Variants in CUX1 observed in about 807,000 individuals in gnomAD.
CUX1 encodes protein CASP.
Under a neutral mutation model 158.8 loss-of-function variants are expected in CUX1, and 31 were observed. That is an observed-to-expected ratio of 0.20 (90% CI 0.15 to 0.26). The LOEUF is 0.26. Among genes scored for constraint, CUX1 ranks in the 10% least tolerant of loss-of-function variants. The pLI, the probability that CUX1 is intolerant of heterozygous loss-of-function variation, is 1.00. For missense variants in CUX1, 1,589 were observed against 2,014.6 expected (o/e 0.79, Z 4.04); for synonymous variants, 879 against 862.1 (o/e 1.02, Z -0.34).
intron 3 of CUX1, among the ~76,000 whole-genome samples, chr7:102,060,149 G>A (rs1824628031): frequency 6.6e-6 from 1 of 152,024 alleles, no homozygotes; most frequent in Non-Finnish European, 1.5e-5. Context: ...GTGGTAGTGG[G>A]CGCCTGTAGT....
intron 1 of CUX1, among the ~76,000 whole-genome samples, chr7:101,849,912 ATTTTTTT>A (rs71106570): frequency 5.6e-4 from 69 of 124,304 alleles, no homozygotes; most frequent in Middle Eastern, 4.3e-3. Flanking sequence ...GTCTCATGCA[ATTTTTTT>A]TTTTTTTTTT....
At position 102,115,230 on chromosome 7, in the gene CUX1, T is replaced by C; in HGVS notation, c.631T>C (p.Leu211=). The C allele has an allele frequency of 1.2e-6, 2 of 1,609,458 alleles. No homozygotes were observed. The highest frequency in any genetic ancestry group is 1.7e-6 in the Non-Finnish European group (2 of 1,179,034). The change falls in exon 8 of 24, where the codon TTA becomes CTA. Residue 211 remains leucine (L), a synonymous_variant. Coordinates refer to ENST00000292535, the MANE Select transcript of CUX1 (RefSeq NM_181552.4). Reference sequence around the variant, plus strand: ...AGCCCTGGAAAAAACTCGAACAGAATTATTTGACCTGAAAACCAAATACGA... The same window carrying C: ...AGCCCTGGAAAAAACTCGAACAGAACTATTTGACCTGAAAACCAAATACGA... ...QTALEKTRTE[L]FDLKTKYDEE...
At chr7:102,035,072 TAA>T (rs55710671) in intron 3 of CUX1, among the ~76,000 whole-genome samples, 50,727 of 139,600 alleles carry the variant, frequency 0.36, 8,997 homozygotes, top group East Asian at 0.62. Flanking sequence ...CCAGTGGTGG[TAA>T]AAAAAAAAAA....
At position 101,916,132 on chromosome 7, in the gene CUX1, C is replaced by T. The variant is rs376836450; in HGVS notation, c.48C>T (p.Thr16=). The T allele has an allele frequency of 9.3e-6, 15 of 1,613,274 alleles. No homozygotes were observed. The highest frequency in any genetic ancestry group is 8.3e-5 in the Admixed American group (5 of 59,982). The change falls in exon 2 of 24, where the codon ACC becomes ACT. Residue 16 remains threonine (T), a synonymous_variant. Coordinates refer to ENST00000292535, the MANE Select transcript of CUX1 (RefSeq NM_181552.4). The surrounding 1 kb of genome is among the most constrained non-coding windows in gnomAD (Gnocchi z 4.4). ...CCCAACAGAGAGAACTCGATGCCAC[C>T]GCAACGGTATTGGCGAACCGGCAGG... The part of the protein sequence containing the change: ...GARLKRELDA[T]ATVLANRQDE...
chr7:102,138,012 C>T (rs1214160104), intron 8 of CUX1, among the ~76,000 whole-genome samples: 1 of 152,070 alleles, frequency 6.6e-6, no homozygotes, highest in Non-Finnish European at 1.5e-5. Context: ...GTAGTGAGAT[C>T]GTCTCACTAA....
At chr7:101,834,589 A>AT (rs561539030) in intron 1 of CUX1, among the ~76,000 whole-genome samples, 40 of 152,132 alleles carry the variant, frequency 2.6e-4, no homozygotes, top group African/African-American at 9.2e-4. Context: ...TTGAAAAGAA[A>AT]TTTTTTTTCT....
At chr7:102,067,050 A>G (rs1825623460) in intron 3 of CUX1, among the ~76,000 whole-genome samples, 1 of 152,040 alleles carries the variant, frequency 6.6e-6, no homozygotes, top group African/African-American at 2.4e-5. Flanking sequence ...GATATTCACA[A>G]AGTTGCACAG....
intron 17 of CUX1, among the ~76,000 whole-genome samples, chr7:102,276,289 A>C (rs1554547732): frequency 6.6e-6 from 1 of 152,012 alleles, no homozygotes; most frequent in Non-Finnish European, 1.5e-5. Context: ...ACTTTTTTGT[A>C]CTGCTCAAGT....
At chr7:102,112,946 A>G (rs1327447172) in intron 7 of CUX1, among the ~76,000 whole-genome samples, 4 of 152,182 alleles carry the variant, frequency 2.6e-5, no homozygotes, top group Non-Finnish European at 4.4e-5. Flanking sequence ...GTAGACAGAC[A>G]TCAGAAGTCA....
At chr7:102,092,839 G>A (rs1415909136) in intron 4 of CUX1, among the ~76,000 whole-genome samples, 1 of 148,956 alleles carries the variant, frequency 6.7e-6, no homozygotes, top group African/African-American at 2.5e-5. Context: ...CTTGAACACG[G>A]GAGGCAGAGG....
At chr7:101,839,765 T>A (rs1052777392) in intron 1 of CUX1, among the ~76,000 whole-genome samples, 2 of 150,784 alleles carry the variant, frequency 1.3e-5, no homozygotes, top group African/African-American at 2.4e-5. Flanking sequence ...ATTTTCTTTC[T>A]TTTTTTTGTT....
At chr7:102,003,326 A>G (rs1225411856) in intron 2 of CUX1, among the ~76,000 whole-genome samples, 1 of 149,336 alleles carries the variant, frequency 6.7e-6, no homozygotes, top group African/African-American at 2.5e-5. Context: ...ACACACACAC[A>G]CACACACACG....
At chr7:101,876,918 A>ATCT (rs71119788) in intron 1 of CUX1, among the ~76,000 whole-genome samples, 58,638 of 151,458 alleles carry the variant, frequency 0.39, 12,450 homozygotes, top group East Asian at 0.85. Context: ...CCGGCCTCTG[A>ATCT]TCTTTTTTTC....
intron 2 of CUX1, among the ~76,000 whole-genome samples, chr7:101,934,249 A>G (rs1234121390): frequency 2.0e-5 from 3 of 152,206 alleles, no homozygotes; most frequent in African/African-American, 7.2e-5. Flanking sequence ...CTTTCTACCT[A>G]AATTAGAGCC....
intron 2 of CUX1, among the ~76,000 whole-genome samples, chr7:101,947,584 C>G (rs182319994): frequency 1.4e-3 from 218 of 152,230 alleles, no homozygotes; most frequent in Admixed American, 3.3e-3. Context: ...GAAATGAATT[C>G]CATCTTAAAT....
intron 6 of CUX1, among the ~76,000 whole-genome samples, chr7:102,110,388 A>AAT (rs34388629): frequency 0.62 from 94,508 of 151,920 alleles, 31,119 homozygotes; most frequent in African/African-American, 0.8. Flanking sequence ...ATTCCACTAT[A>AAT]ATGTTACATA....
intron 2 of CUX1, among the ~76,000 whole-genome samples, chr7:101,980,042 C>T (rs940833056): frequency 1.3e-5 from 2 of 152,150 alleles, no homozygotes; most frequent in Non-Finnish European, 2.9e-5. Flanking sequence ...TGACAGAGTG[C>T]GGAGAGCGGG....
Position 102,251,359 on chromosome 7 carries a change from G to A in CUX1, c.*2317G>A. ...TGTAAGATGTGAAACCACGTTTCTT[G>A]CATGATGTTTTAGAGATTATTTCAT... On this transcript the variant is annotated 3_prime_UTR_variant, in exon 24 of 24. Coordinates refer to ENST00000292535, the MANE Select transcript of CUX1 (RefSeq NM_181552.4). 1.0e-6 allele frequency: 1 copy of A among 985,336 alleles called. No individual in the cohort carries two copies. Among genetic ancestry groups the A allele is most frequent in the Non-Finnish European group, 1.2e-6 (1 of 829,928 alleles). 61.0% of individuals were successfully genotyped at this position (985,336 alleles called of 1,614,324 possible). A position where few individuals can be genotyped will look rare whatever the true frequency, so the allele number is the denominator to read the frequency against.
intron 2 of CUX1, among the ~76,000 whole-genome samples, chr7:101,991,410 A>G (rs972450617): frequency 2.6e-5 from 4 of 152,212 alleles, no homozygotes; most frequent in African/African-American, 9.7e-5. Flanking sequence ...TAGAATTCAT[A>G]GCCATCTAGC....
Sources: gnomAD v4.1 joint callset for allele counts (sites outside exome capture counted in the v4.1 genomes callset) on GRCh38, gnomAD v4.1.1 for gene constraint, Gnocchi (gnomAD v3.1) non-coding constraint, MANE v1.5 for transcripts, NCBI Gene and HGNC (gene_info 2026-07-23, HGNC 2026-07-21) for gene names.